Variants in CADM2 observed in about 807,000 individuals in gnomAD.
CADM2 encodes the protein immunoglobulin superfamily member 4D.
CADM2 carries 12 observed loss-of-function variants against 49.8 expected under a neutral mutation model. The observed-to-expected ratio is 0.24, with a 90% confidence interval of 0.15 to 0.39. The LOEUF (loss-of-function observed/expected upper bound fraction) is 0.39. CADM2 is among the 10% of genes least tolerant of loss of function. The pLI, the probability that CADM2 is intolerant of heterozygous loss-of-function variation, is 1.00. For synonymous variants in CADM2, 214 were observed against 175.4 expected (o/e 1.22, Z -1.74); for missense variants, 378 against 492.3 (o/e 0.77, Z 2.20).
chr3:85,491,869 G>A (rs1429298718), intron 1 of CADM2, among the ~76,000 whole-genome samples: 7 of 151,602 alleles, frequency 4.6e-5, no homozygotes, highest in African/African-American at 1.7e-4. Flanking sequence ...GGAGAATGGC[G>A]TGAATCGGGC....
chr3:86,042,876 C>T (rs1018234852), intron 8 of CADM2, among the ~76,000 whole-genome samples: 12 of 152,126 alleles, frequency 7.9e-5, no homozygotes, highest in African/African-American at 2.7e-4. Flanking sequence ...AAAAGCTTAT[C>T]CAGCATGATC....
intron 1 of CADM2, among the ~76,000 whole-genome samples, chr3:85,554,343 C>T (rs1297765592): frequency 1.3e-5 from 2 of 152,132 alleles, no homozygotes; most frequent in Admixed American, 6.5e-5. Flanking sequence ...GGCTTGCTGG[C>T]CCGCAGCGCA....
chr3:85,272,330 A>G (rs2043261089), intron 1 of CADM2, among the ~76,000 whole-genome samples: 1 of 151,344 alleles, frequency 6.6e-6, no homozygotes, highest in African/African-American at 2.4e-5. Flanking sequence ...TTAAGAGCAT[A>G]TACAATTCGT....
chr3:85,966,392 C>A (rs1192383386), intron 8 of CADM2, among the ~76,000 whole-genome samples: 1 of 151,340 alleles, frequency 6.6e-6, no homozygotes, highest in Non-Finnish European at 1.5e-5. Context: ...TTTCTTTTAC[C>A]GTAGTAACCC....
chr3:85,146,454 T>C (rs923227021), intron 1 of CADM2, among the ~76,000 whole-genome samples: 2 of 152,142 alleles, frequency 1.3e-5, no homozygotes, highest in Non-Finnish European at 2.9e-5. Flanking sequence ...CATTCTTTAA[T>C]GGTATCTTAG....
chr3:85,868,823 T>C (rs751537753), intron 3 of CADM2, among the ~76,000 whole-genome samples: 2 of 152,172 alleles, frequency 1.3e-5, no homozygotes, highest in African/African-American at 2.4e-5. Context: ...ACGAAATCAT[T>C]GTTTCCATTT....
At chr3:85,199,003 T>C (rs1376575415) in intron 1 of CADM2, among the ~76,000 whole-genome samples, 1 of 151,940 alleles carries the variant, frequency 6.6e-6, no homozygotes, top group Non-Finnish European at 1.5e-5. Context: ...TGCTTATTTT[T>C]CCTCCGCTGC....
intron 3 of CADM2, among the ~76,000 whole-genome samples, chr3:85,866,828 T>A (rs1253098196): frequency 6.6e-6 from 1 of 152,098 alleles, no homozygotes; most frequent in East Asian, 1.9e-4. Context: ...ATTGTACATA[T>A]ACATACACAC....
intron 1 of CADM2, chr3:85,385,742 T>A (rs188257769): frequency 6.6e-6 from 1 of 152,054 alleles, no homozygotes; most frequent in Admixed American, 6.6e-5. Context: ...GAGTTTATTA[T>A]GTTTTGGACA....
chr3:85,677,105 G>C (rs895629886), intron 1 of CADM2, among the ~76,000 whole-genome samples: 2 of 152,018 alleles, frequency 1.3e-5, no homozygotes, highest in Non-Finnish European at 2.9e-5. Context: ...TCATGACACT[G>C]TTCACACGTA....
rs78741457 is a variant in CADM2 at position 85,061,408 on chromosome 3, T to G, written c.61+101740T>G. On this transcript the variant is annotated intron_variant, in intron 1 of 9. Coordinates refer to ENST00000383699, the MANE Select transcript of CADM2 (RefSeq NM_001167675.2). ...TGATACTAACTGGCAGTACTAGATA[T>G]CCTTTCAATGTTTGCTTATTTGAAT... is the stretch of plus-strand genomic sequence containing the variant. 1.8e-3 allele frequency among the ~76,000 whole-genome samples: 267 copies of G among 152,288 alleles called. 4 individuals carry two copies. The East Asian group carries it at 0.05, about 28-fold the overall frequency.
intron 6 of CADM2, among the ~76,000 whole-genome samples, chr3:85,917,887 C>T (rs1482518762): frequency 1.3e-5 from 2 of 152,064 alleles, no homozygotes; most frequent in African/African-American, 4.8e-5. Context: ...CCTTCACATC[C>T]CTTGTAAGTT....
chr3:85,960,864 G>A (rs1214430057), intron 7 of CADM2, among the ~76,000 whole-genome samples: 1 of 151,254 alleles, frequency 6.6e-6, no homozygotes, highest in Non-Finnish European at 1.5e-5. Flanking sequence ...TGTGCCACAA[G>A]GGTGGCTCTA....
chr3:85,489,667 A>G (rs577484301), intron 1 of CADM2, among the ~76,000 whole-genome samples: 2 of 150,938 alleles, frequency 1.3e-5, no homozygotes, highest in Non-Finnish European at 3.0e-5. Context: ...AAAAGAAAAA[A>G]AATCAAACAA....
chr3:85,552,208 T>C (rs1200508210), intron 1 of CADM2, among the ~76,000 whole-genome samples: 1 of 152,090 alleles, frequency 6.6e-6, no homozygotes, highest in African/African-American at 2.4e-5. Flanking sequence ...AATATGATAA[T>C]TGACTCATTA....
intron 1 of CADM2, among the ~76,000 whole-genome samples, chr3:85,582,563 G>A (rs141607405): frequency 2.6e-5 from 4 of 152,208 alleles, no homozygotes; most frequent in African/African-American, 4.8e-5. Context: ...CTGCCTTCTG[G>A]CAGTGTTCTT....
At chr3:85,416,573 C>T (rs764571368) in intron 1 of CADM2, among the ~76,000 whole-genome samples, 3 of 152,084 alleles carry the variant, frequency 2.0e-5, no homozygotes, top group Non-Finnish European at 1.5e-5. Context: ...GTTGCTTTGT[C>T]CCTAATGCCC....
At chr3:85,390,327 T>G (rs534518631) in intron 1 of CADM2, among the ~76,000 whole-genome samples, 1 of 152,246 alleles carries the variant, frequency 6.6e-6, no homozygotes, top group African/African-American at 2.4e-5. Flanking sequence ...CCTAACTTAC[T>G]TAATCAATTG....
intron 1 of CADM2, among the ~76,000 whole-genome samples, chr3:85,350,979 A>G (rs1375847761): frequency 6.6e-6 from 1 of 152,184 alleles, no homozygotes; most frequent in Non-Finnish European, 1.5e-5. Context: ...GAACAAGAAA[A>G]AATATTCTCA....
Sources: allele counts gnomAD v4.1 joint callset (sites outside exome capture counted in the v4.1 genomes callset), GRCh38; gene constraint gnomAD v4.1.1; transcripts MANE v1.5; gene names NCBI Gene and HGNC (gene_info 2026-07-23, HGNC 2026-07-21).